The following TRPT1 variants were observed in gnomAD, a reference collection of about 807,000 sequenced individuals.
TRPT1 encodes the protein tRNA phosphotransferase 1, also known as tRNA 2'-phosphotransferase 1.
TRPT1 carries 22 observed loss-of-function variants against 28.4 expected under a neutral mutation model. The ratio of observed to expected loss-of-function variants is 0.78; its 90% CI spans 0.55 to 1.11. The LOEUF (loss-of-function observed/expected upper bound fraction) is 1.11, where lower values mean the gene tolerates loss of function less well. Among genes scored for constraint, TRPT1 ranks in the 50% least tolerant of loss-of-function variants. TRPT1 has a pLI of 0.00. For synonymous variants in TRPT1, 137 were observed against 132.4 expected, an observed-to-expected ratio of 1.03 and a Z score of -0.24; for missense variants, 308 against 317.7, an observed-to-expected ratio of 0.97 and a Z score of 0.23.
In TRPT1 at chr11:64,224,952, C is replaced by G; in HGVS notation, c.176G>C (p.Gly59Ala). The G allele has an allele frequency of 6.4e-7, 1 of 1,563,172 alleles. No individual in the cohort carries two copies. The highest frequency in any genetic ancestry group is 1.2e-5 in the South Asian group (1 of 85,638). Residue 59 changes from glycine to alanine, a missense_variant, in exon 4 of 8, where the codon GGC becomes GCC. Coordinates refer to ENST00000317459, the MANE Select transcript of TRPT1 (RefSeq NM_001033678.4). Reference protein sequence around the residue: ...PMGADGFVPLGTLLQLPQFRG... With the variant: ...PMGADGFVPLATLLQLPQFRG... ...GAACTGGGGCAACTGCAGGAGGGTG[C>G]CCAGGGGCACGAAGCCATCTGTGGG...
At position 64,224,210 on chromosome 11, in the gene TRPT1, T is replaced by A. The variant is rs754688179; in HGVS notation, c.560A>T (p.Asp187Val). ...GGCAGAGCGGAAGAAGGGTATTCCA[T>A]CTGCTGACAGAGCCAGAGATGTGAC... ...VFIDGPLALA[D>V]GIPFFRSANG... The change falls in exon 7 of 8, where the codon GAT becomes GTT. Residue 187 changes from aspartate to valine, a missense_variant and splice_region_variant. Physicochemically the swap from Asp to Val is radical, Grantham distance 152. Transcript: ENST00000317459. 6.2e-7 allele frequency: 1 copy of A among 1,612,452 alleles called. No individual in the cohort carries two copies. Among genetic ancestry groups the A allele is most frequent in the Non-Finnish European group, 8.5e-7 (1 of 1,178,876 alleles).
chr11:64,224,020 T>C, intron 7 of TRPT1, 53 bp from the exon 8 acceptor site: 1 of 1,593,474 alleles, frequency 6.3e-7, no homozygotes, highest in Non-Finnish European at 8.6e-7. Context: ...CAGTCTAGGG[T>C]TGGAAGCTAG....
Position 64,223,970 on chromosome 11 carries a change from G to A in TRPT1, c.671-3C>T, listed in dbSNP as rs1366450774. 6.2e-7 allele frequency: 1 copy of A among 1,612,590 alleles called. No homozygotes were observed. Among genetic ancestry groups the A allele is most frequent in the African/African-American group, 1.3e-5 (1 of 74,878 alleles). On this transcript the variant is annotated splice_polypyrimidine_tract_variant and splice_region_variant and intron_variant, in intron 7 of 7. Coordinates refer to ENST00000317459, the MANE Select transcript of TRPT1 (RefSeq NM_001033678.4). ...ACCAGCCAAGGAAAGGGGCTTTCCT[G>A]ATAAAGACAAGAGTTGGTTAGAGAA...
upstream of TRPT1, chr11:64,226,226 A>T: frequency 3.1e-6 from 1 of 325,570 alleles, no homozygotes; most frequent in East Asian, 6.7e-5. Context: ...CCCGCCAATG[A>T]AAAGCCGCGT....
chr11:64,224,106 G>A lies in TRPT1; in HGVS notation c.664C>T (p.Pro222Ser). ...KYFKEALQLRPTRKPLSLAGD... is the reference protein window; with the variant it reads ...KYFKEALQLRSTRKPLSLAGD... ...CTGGGGTGGTGGTTCTCACGGGTAG[G>A]GCGTAGCTGCAGGGCCTCCTTGAAG... The change falls in exon 7 of 8, where the codon CCT becomes TCT. Residue 222 changes from proline (P) to serine (S), a missense_variant. Pro to Ser is a moderately conservative substitution (Grantham distance 74). Transcript: ENST00000317459. 6.2e-7 allele frequency: 1 copy of A among 1,607,880 alleles called. No homozygotes were observed. The highest frequency in any genetic ancestry group is 2.2e-5 in the East Asian group (1 of 44,774).
rs137861132 is a variant in TRPT1, at chr11:64,225,814, C to A, written c.47G>T (p.Gly16Val). ...TTCTCGGGGTCTGGGAGCCCTTCTACCCCTGGACCCTGCTGCTTCCTGCCT... is the reference window on the plus strand; with the variant it reads ...TTCTCGGGGTCTGGGAGCCCTTCTAACCCTGGACCCTGCTGCTTCCTGCCT... ...GGRQEAAGSRGRRAPRPREQD... is the reference protein window; with the variant it reads ...GGRQEAAGSRVRRAPRPREQD... The change falls in exon 2 of 8, where the codon GGT becomes GTT. Residue 16 changes from glycine (G) to valine (V), a missense_variant. By Grantham distance (109) the Gly-to-Val change is moderately radical. Transcript: ENST00000317459. 6.4e-7 allele frequency: 1 copy of A among 1,554,780 alleles called. No individual in the cohort carries two copies. The highest frequency in any genetic ancestry group is 8.7e-7 in the Non-Finnish European group (1 of 1,148,556).
At chr11:64,225,626 C>T (rs1391331139) in intron 2 of TRPT1, 46 bp from the exon 3 acceptor site, 6 of 1,559,984 alleles carry the variant, frequency 3.8e-6, no homozygotes, top group Non-Finnish European at 4.4e-6. Flanking sequence ...GTGACCCTGC[C>T]CTACTGCCCA....
At position 64,224,973 on chromosome 11, in the gene TRPT1, G is replaced by T; in HGVS notation, c.158-3C>A. ...GGTGCCCAGGGGCACGAAGCCATCT[G>T]TGGGCAGGCAGGGTGCTCAGGAGCT... On this transcript the variant is annotated splice_polypyrimidine_tract_variant and splice_region_variant and intron_variant, in intron 3 of 7. Transcript: ENST00000317459. 6.4e-7 allele frequency: 1 copy of T among 1,554,128 alleles called. No individual in the cohort carries two copies.
intron 3 of TRPT1, 26 bp downstream of exon 3, chr11:64,225,473 C>G: frequency 1.3e-6 from 2 of 1,595,996 alleles, no homozygotes; most frequent in Non-Finnish European, 1.7e-6. Context: ...TGGGCTCAAG[C>G]CCCAGCCTCC....
Position 64,224,225 on chromosome 11 carries a change from A to G in TRPT1, c.560-15T>C. ...GGGTATTCCATCTGCTGACAGAGCC[A>G]GAGATGTGACTCATGCCCTCCCCGA... On this transcript the variant is annotated splice_polypyrimidine_tract_variant and intron_variant, in intron 6 of 7. Transcript: ENST00000317459. 6.2e-7 allele frequency: 1 copy of G among 1,613,282 alleles called. No individual in the cohort carries two copies. Among genetic ancestry groups the G allele is most frequent in the Non-Finnish European group, 8.5e-7 (1 of 1,179,446 alleles).
At position 64,224,973 on chromosome 11, in the gene TRPT1, G is replaced by A; in HGVS notation, c.158-3C>T. The A allele has an allele frequency of 6.4e-7, 1 of 1,554,128 alleles. No individual in the cohort carries two copies. The highest frequency in any genetic ancestry group is 8.7e-7 in the Non-Finnish European group (1 of 1,149,542). The stretch of plus-strand genomic sequence containing the variant: ...GGTGCCCAGGGGCACGAAGCCATCT[G>A]TGGGCAGGCAGGGTGCTCAGGAGCT... On this transcript the variant is annotated splice_polypyrimidine_tract_variant and splice_region_variant and intron_variant, in intron 3 of 7. Transcript: ENST00000317459.
At chr11:64,223,988 T>C (rs1490862607) in intron 7 of TRPT1, 21 bp from the exon 8 acceptor site, 1 of 1,606,322 alleles carries the variant, frequency 6.2e-7, no homozygotes, top group Non-Finnish European at 8.5e-7. Flanking sequence ...CAAGAGTTGG[T>C]TAGAGAAAGG....
chr11:64,225,056 T>G, intron 3 of TRPT1, 86 bp from the exon 4 acceptor site: 1 of 1,446,704 alleles, frequency 6.9e-7, no homozygotes, highest in Non-Finnish European at 9.2e-7. Context: ...CGAAACAAAG[T>G]CTGGGCTTGG....
chr11:64,225,795 G>T lies in TRPT1; in HGVS notation c.66C>A (p.Pro22=). ...AGSRGRRAPR[P]REQDRDVQLS... ...GGGAGGAGGCGCGCACCTGTTCTCG[G>T]GGTCTGGGAGCCCTTCTACCCCTGG... is the stretch of plus-strand genomic sequence containing the variant. The change falls in exon 2 of 8, where the codon CCC becomes CCA. Residue 22 remains proline (P), a synonymous_variant. Coordinates refer to ENST00000317459, the MANE Select transcript of TRPT1 (RefSeq NM_001033678.4). The T allele has an allele frequency of 1.3e-6, 2 of 1,552,310 alleles. No homozygotes were observed. Among genetic ancestry groups the T allele is most frequent in the East Asian group, 2.4e-5 (1 of 41,700 alleles).
chr11:64,225,034 G>C (rs967934434), intron 3 of TRPT1, 64 bp from the exon 4 acceptor site: 57 of 1,496,826 alleles, frequency 3.8e-5, no homozygotes, highest in Non-Finnish European at 4.6e-5. Flanking sequence ...TTAACAGGGA[G>C]CCACAGGCAA....
At chr11:64,224,008 G>C in intron 7 of TRPT1, 41 bp from the exon 8 acceptor site, 1 of 1,595,320 alleles carries the variant, frequency 6.3e-7, no homozygotes, top group East Asian at 2.2e-5. Flanking sequence ...GGACACCTAA[G>C]TCAGTCTAGG....
intron 2 of TRPT1, 41 bp downstream of exon 2, chr11:64,225,745 G>A: frequency 6.8e-7 from 1 of 1,479,478 alleles, no homozygotes; most frequent in Non-Finnish European, 9.2e-7. Flanking sequence ...AACTCCCAGG[G>A]AGCCTGGACT....
chr11:64,223,998 G>A lies in TRPT1; in HGVS notation c.671-31C>T, dbSNP rs767146590. On this transcript the variant is annotated intron_variant, in intron 7 of 7. Coordinates refer to ENST00000317459, the MANE Select transcript of TRPT1 (RefSeq NM_001033678.4). ...AAAGACAAGAGTTGGTTAGAGAAAG[G>A]GACACCTAAGTCAGTCTAGGGTTGG... 2.5e-6 allele frequency: 4 copies of A among 1,599,186 alleles called. No individual in the cohort carries two copies. In the East Asian group the frequency reaches 6.7e-5, roughly 27 times the overall value.
rs757840258 is a variant in TRPT1 at position 64,224,275 on chromosome 11, C to A, written c.559+10G>T. The A allele has an allele frequency of 6.2e-7, 1 of 1,613,758 alleles. No homozygotes were observed. Among genetic ancestry groups the A allele is most frequent in the African/African-American group, 1.3e-5 (1 of 74,934 alleles). The stretch of plus-strand genomic sequence containing the variant: ...AAGGCAAGGGCAGCTCCTGCTTTGT[C>A]CAGACTCACCTGCCAGAGCCAGGGG... On this transcript the variant is annotated intron_variant, in intron 6 of 7. Transcript: ENST00000317459.
Sources: allele counts gnomAD v4.1 joint callset, GRCh38; gene constraint gnomAD v4.1.1; transcripts MANE v1.5; gene names NCBI Gene and HGNC (gene_info 2026-07-23, HGNC 2026-07-21).